Variants in MARK3 observed in about 807,000 individuals in gnomAD.
The protein encoded by MARK3 is MAP/microtubule affinity-regulating kinase 3.
Under a neutral mutation model 90.1 loss-of-function variants are expected in MARK3, and 46 were observed. That is an observed-to-expected ratio of 0.51 (90% CI 0.40 to 0.65). MARK3 has a LOEUF of 0.65. MARK3 is among the 30% of genes least tolerant of loss of function. The pLI, the probability that MARK3 is intolerant of heterozygous loss-of-function variation, is 0.00. For missense variants in MARK3, 818 were observed against 947.2 expected, an observed-to-expected ratio of 0.86 and a Z score of 1.79; for synonymous variants, 321 against 332.6, an observed-to-expected ratio of 0.97 and a Z score of 0.38.
intron 7 of MARK3, 62 bp from the exon 8 acceptor site, chr14:103,465,495 C>T: frequency 8.6e-7 from 1 of 1,156,858 alleles, no homozygotes; most frequent in Non-Finnish European, 1.3e-6. Flanking sequence ...ATGCCTAATC[C>T]TGTCATAATT....
intron 3 of MARK3, among the ~76,000 whole-genome samples, chr14:103,433,336 C>T (rs2092638241): frequency 6.6e-6 from 1 of 151,966 alleles, no homozygotes; most frequent in African/African-American, 2.4e-5. Context: ...ATCTGCCTGC[C>T]TCAGCCTCCC....
intron 1 of MARK3, among the ~76,000 whole-genome samples, chr14:103,399,521 C>T (rs1334652898): frequency 6.6e-6 from 1 of 151,838 alleles, no homozygotes; most frequent in Admixed American, 6.6e-5. Flanking sequence ...CACGGTGAAA[C>T]CTCGTCTCTA....
In MARK3 at chr14:103,491,774, T is replaced by C. The variant is rs767377350; in HGVS notation, c.1587-3T>C. 47 of 1,613,644 alleles carry C rather than the reference T, an allele frequency of 2.9e-5. No homozygotes were observed. The highest frequency in any genetic ancestry group is 3.8e-5 in the Non-Finnish European group (45 of 1,179,786). ...GAGAGCTTCTTACTTTCTGATCTCA[T>C]AGCACTATTCCTGATCAGAGAACTC... On this transcript the variant is annotated splice_polypyrimidine_tract_variant and splice_region_variant and intron_variant, in intron 14 of 17. Transcript: ENST00000429436.
At chr14:103,420,303 A>G (rs1411983169) in intron 2 of MARK3, among the ~76,000 whole-genome samples, 1 of 152,020 alleles carries the variant, frequency 6.6e-6, no homozygotes, top group Admixed American at 6.6e-5. Flanking sequence ...ATCTTGGCTC[A>G]CTGCAGCTCT....
At chr14:103,445,274 A>C (rs2092965925) in intron 3 of MARK3, among the ~76,000 whole-genome samples, 1 of 152,154 alleles carries the variant, frequency 6.6e-6, no homozygotes, top group African/African-American at 2.4e-5. Flanking sequence ...AGTTGTGAAA[A>C]TTAAGCTTAG....
At chr14:103,492,133 A>C (rs2094027879) in intron 15 of MARK3, 99 bp downstream of exon 15, 1 of 1,379,724 alleles carries the variant, frequency 7.2e-7, no homozygotes, top group South Asian at 1.4e-5. Context: ...GATGCTTTTC[A>C]GTCTGCCTTC....
chr14:103,455,579 T>C (rs11160750), intron 5 of MARK3, among the ~76,000 whole-genome samples: 42,927 of 151,736 alleles, frequency 0.28, 7,236 homozygotes, highest in Non-Finnish European at 0.36. Flanking sequence ...AATACAAAAA[T>C]TAGCCGGGTG....
Position 103,475,215 on chromosome 14 carries a change from GTGT to G in MARK3, c.1482+11_1482+13del. The G allele has an allele frequency of 6.2e-7, 1 of 1,612,438 alleles. No homozygotes were observed. The highest frequency in any genetic ancestry group is 8.5e-7 in the Non-Finnish European group (1 of 1,179,758). The stretch of plus-strand genomic sequence containing the variant: ...AAAAGCTCCACTGTCCCTAGTGTAA[GTGT>G]TGTTGAACTATAGAGTGGTCTTAGG... On this transcript the variant is annotated splice_donor_region_variant and intron_variant, in intron 13 of 17. Coordinates refer to ENST00000429436, the MANE Select transcript of MARK3 (RefSeq NM_001128918.3).
At chr14:103,386,288 G>A in intron 1 of MARK3, 1 of 704,970 alleles carries the variant, frequency 1.4e-6, no homozygotes, top group East Asian at 2.7e-5. Flanking sequence ...GAAGTACATC[G>A]ATTATGCCGG....
At chr14:103,475,942 CAAA>C (rs58529423) in intron 13 of MARK3, among the ~76,000 whole-genome samples, 1 of 125,976 alleles carries the variant, frequency 7.9e-6, no homozygotes. Flanking sequence ...GACTCCTTCT[CAAA>C]AAAAAAAAAA....
chr14:103,445,703 C>T (rs1475946772), intron 3 of MARK3, among the ~76,000 whole-genome samples: 1 of 152,174 alleles, frequency 6.6e-6, no homozygotes, highest in East Asian at 1.9e-4. Context: ...CAGAACTTAG[C>T]AACTTAAAGC....
At chr14:103,470,453 C>CTTTTTTTTTTTTTTTTTTTTTTT (rs1555396272) in intron 12 of MARK3, among the ~76,000 whole-genome samples, 3 of 24,220 alleles carry the variant, frequency 1.2e-4, no homozygotes, top group East Asian at 5.0e-3. Flanking sequence ...GGAACTAAAT[C>CTTTTTTTTTTTTTTTTTTTTTTT]TATTTTTTTT....
intron 12 of MARK3, among the ~76,000 whole-genome samples, chr14:103,473,783 T>C (rs1156653101): frequency 3.3e-5 from 5 of 152,110 alleles, no homozygotes; most frequent in African/African-American, 1.2e-4. Context: ...ACATGTAGCC[T>C]CAAACTCTTG....
In MARK3 at chr14:103,470,560, A is replaced by G. The variant is rs150688331; in HGVS notation, c.1264+2374A>G. Among the ~76,000 whole-genome samples the G allele has an allele frequency of 7.1e-5, 10 of 140,666 alleles. No individual in the cohort carries two copies. In the East Asian group the frequency reaches 2.1e-3, roughly 29 times the overall value. 92.3% of individuals were successfully genotyped at this position (140,666 alleles called of 152,430 possible). The stretch of plus-strand genomic sequence containing the variant: ...AACCTCCGCCTCCTGGGTTCTAGCA[A>G]TTCTCCTGCCTCAGCCTCCCGAGTA... On this transcript the variant is annotated intron_variant, in intron 12 of 17. Coordinates refer to ENST00000429436, the MANE Select transcript of MARK3 (RefSeq NM_001128918.3).
At chr14:103,397,349 T>C (rs2090644473) in intron 1 of MARK3, among the ~76,000 whole-genome samples, 1 of 145,512 alleles carries the variant, frequency 6.9e-6, no homozygotes, top group Non-Finnish European at 1.5e-5. Flanking sequence ...TTTTTTGAGA[T>C]GAAGTCTCAC....
At position 103,503,480 on chromosome 14, in the gene MARK3, T is replaced by C. The variant is rs1490035696; in HGVS notation, c.*253T>C. On this transcript the variant is annotated 3_prime_UTR_variant, in exon 18 of 18. Coordinates refer to ENST00000429436, the MANE Select transcript of MARK3 (RefSeq NM_001128918.3). ...GAGTCGGTGTGTGGCCCCATCTCCA[T>C]GTGCCTCCCGTCTGGGTGGGTGTGA... The C allele has an allele frequency of 8.0e-6, 4 of 496,968 alleles. No individual in the cohort carries two copies. The highest frequency in any genetic ancestry group is 1.1e-5 in the Non-Finnish European group (3 of 277,616). The allele number at this position is 496,968 out of a possible 1,614,324, so 30.8% of individuals were successfully genotyped here. A position where few individuals can be genotyped will look rare whatever the true frequency, so the allele number is the denominator to read the frequency against.
intron 5 of MARK3, among the ~76,000 whole-genome samples, chr14:103,454,676 C>T (rs1470884758): frequency 6.6e-6 from 1 of 152,228 alleles, no homozygotes; most frequent in Non-Finnish European, 1.5e-5. Flanking sequence ...ATCTCCCCCA[C>T]CCGCCAGCCT....
intron 7 of MARK3, among the ~76,000 whole-genome samples, chr14:103,465,169 T>C (rs2093479335): frequency 6.6e-6 from 1 of 152,206 alleles, no homozygotes; most frequent in South Asian, 2.1e-4. Flanking sequence ...GGTATCACCA[T>C]GTTGGCCAGG....
intron 3 of MARK3, among the ~76,000 whole-genome samples, chr14:103,447,985 C>T (rs967834400): frequency 6.6e-6 from 1 of 152,184 alleles, no homozygotes; most frequent in African/African-American, 2.4e-5. Flanking sequence ...GTTGCCCAGG[C>T]TGGTCTCGAC....
Sources: gnomAD v4.1 joint callset for allele counts (sites outside exome capture counted in the v4.1 genomes callset) on GRCh38, gnomAD v4.1.1 for gene constraint, MANE v1.5 for transcripts, NCBI Gene and HGNC (gene_info 2026-07-23, HGNC 2026-07-21) for gene names.